Variants in CCDC192 observed in about 807,000 individuals in gnomAD.
The protein encoded by CCDC192 is coiled-coil domain-containing protein 192.
chr5:127,853,228 G>A (rs1401870309), intron 5 of CCDC192, among the ~76,000 whole-genome samples: 3 of 152,112 alleles, frequency 2.0e-5, no homozygotes, highest in Non-Finnish European at 2.9e-5. Context: ...TCATTCCAGG[G>A]ACTATCTATG....
intron 3 of CCDC192, among the ~76,000 whole-genome samples, chr5:127,768,259 A>T (rs1256974552): frequency 6.6e-6 from 1 of 151,886 alleles, no homozygotes; most frequent in Admixed American, 6.6e-5. Context: ...CTCAAAAAAT[A>T]AAAAAGTAAA....
At chr5:127,745,985 T>A (rs988905785) in intron 2 of CCDC192, among the ~76,000 whole-genome samples, 18 of 152,258 alleles carry the variant, frequency 1.2e-4, no homozygotes, top group African/African-American at 4.1e-4. Flanking sequence ...TTTATGTGTT[T>A]ACTTATTTTT....
intron 5 of CCDC192, among the ~76,000 whole-genome samples, chr5:127,861,418 G>A (rs2127105191): frequency 6.6e-6 from 1 of 151,314 alleles, no homozygotes; most frequent in South Asian, 2.1e-4. Context: ...AGTTTTGGAG[G>A]CCGAGGTGGG....
intron 5 of CCDC192, among the ~76,000 whole-genome samples, chr5:127,817,995 T>C (rs904135382): frequency 6.6e-6 from 1 of 152,182 alleles, no homozygotes; most frequent in Non-Finnish European, 1.5e-5. Flanking sequence ...ATGACCTTGC[T>C]TTAGAAAATA....
At chr5:127,801,191 C>T (rs1225140527) in intron 5 of CCDC192, among the ~76,000 whole-genome samples, 1 of 152,134 alleles carries the variant, frequency 6.6e-6, no homozygotes, top group African/African-American at 2.4e-5. Context: ...GAATGGAACA[C>T]TGAAGATGGG....
chr5:127,933,094 A>G (rs2126316018), intron 6 of CCDC192, among the ~76,000 whole-genome samples: 1 of 152,308 alleles, frequency 6.6e-6, no homozygotes, highest in South Asian at 2.1e-4. Flanking sequence ...AACAGCAGTG[A>G]GAATTGTGGA....
At chr5:127,885,530 G>T (rs975236614) in intron 6 of CCDC192, among the ~76,000 whole-genome samples, 3 of 152,186 alleles carry the variant, frequency 2.0e-5, no homozygotes, top group Non-Finnish European at 4.4e-5. Context: ...ATTCTCTCCT[G>T]TAGCTCCCCA....
chr5:127,751,299 G>A (rs1348861973), intron 2 of CCDC192, among the ~76,000 whole-genome samples: 1 of 151,910 alleles, frequency 6.6e-6, no homozygotes, highest in Non-Finnish European at 1.5e-5. Flanking sequence ...AGCTCTTTTA[G>A]GGCAGGCCTG....
At chr5:127,895,152 C>G (rs188863503) in intron 6 of CCDC192, among the ~76,000 whole-genome samples, 2 of 152,304 alleles carry the variant, frequency 1.3e-5, no homozygotes, top group Admixed American at 1.3e-4. Context: ...CTCCCTCCCC[C>G]ACCACCTTCT....
At chr5:127,916,328 C>A (rs1220186156) in intron 6 of CCDC192, among the ~76,000 whole-genome samples, 4 of 152,208 alleles carry the variant, frequency 2.6e-5, no homozygotes, top group African/African-American at 7.2e-5. Flanking sequence ...CCCTCAAAGA[C>A]ATTCATGAGG....
chr5:127,783,933 T>C (rs190044234), intron 3 of CCDC192, among the ~76,000 whole-genome samples: 7 of 152,352 alleles, frequency 4.6e-5, no homozygotes, highest in Admixed American at 4.6e-4. Flanking sequence ...GTTCATTTTG[T>C]CTCATATAAG....
intron 5 of CCDC192, among the ~76,000 whole-genome samples, chr5:127,805,604 T>C (rs1012382413): frequency 2.6e-5 from 4 of 152,226 alleles, no homozygotes; most frequent in African/African-American, 7.2e-5. Flanking sequence ...GGGAAATTCC[T>C]TTCCTGCGGG....
intron 6 of CCDC192, among the ~76,000 whole-genome samples, chr5:127,925,272 C>T (rs1753833334): frequency 7.8e-6 from 1 of 128,004 alleles, no homozygotes. Context: ...ATTTCCTAAA[C>T]TAAAAAATCT....
At chr5:127,927,452 G>T (rs747674434) in intron 6 of CCDC192, among the ~76,000 whole-genome samples, 9 of 152,134 alleles carry the variant, frequency 5.9e-5, no homozygotes, top group Non-Finnish European at 7.3e-5. Flanking sequence ...CCGAGAATGA[G>T]TAGGGACTAC....
intron 3 of CCDC192, among the ~76,000 whole-genome samples, chr5:127,769,304 G>C (rs988477921): frequency 3.9e-5 from 6 of 152,090 alleles, no homozygotes; most frequent in African/African-American, 1.4e-4. Flanking sequence ...AAAGAAGGAA[G>C]TCCGGGGAAG....
At chr5:127,816,841 A>G (rs1312549345) in intron 5 of CCDC192, among the ~76,000 whole-genome samples, 1 of 152,234 alleles carries the variant, frequency 6.6e-6, no homozygotes, top group African/African-American at 2.4e-5. Flanking sequence ...GGCAAAAAGA[A>G]TGCTATAGTT....
chr5:127,776,229 G>A (rs1350300817), intron 3 of CCDC192, among the ~76,000 whole-genome samples: 4 of 152,204 alleles, frequency 2.6e-5, no homozygotes, highest in Non-Finnish European at 5.9e-5. Context: ...AGGCTGAGGT[G>A]GTCTCAGATG....
Position 127,875,563 on chromosome 5 carries a change from A to G in CCDC192, c.437A>G (p.Lys146Arg), listed in dbSNP as rs1752044021. The change falls in exon 6 of 7, where the codon AAA (lysine) becomes AGA (arginine). Residue 146 changes from lysine (K) to arginine (R), a missense_variant. Coordinates refer to ENST00000514853, the MANE Select transcript of CCDC192 (RefSeq NM_001317938.2). The stretch of plus-strand genomic sequence containing the variant: ...AAACTAAAGCATGAAAAGAAAGTGA[A>G]AAAACTACAGACTGATTTGGCAACA... ...AQKLKHEKKV[K>R]KLQTDLATAN... 4 of 398,740 alleles carry G rather than the reference A, an allele frequency of 1.0e-5. No homozygotes were observed. Among genetic ancestry groups the G allele is most frequent in the Non-Finnish European group, 1.8e-5 (4 of 226,004 alleles). The allele number at this position is 398,740 out of a possible 1,614,324, so 24.7% of individuals were successfully genotyped here. A position where few individuals can be genotyped will look rare whatever the true frequency, so the allele number is the denominator to read the frequency against.
intron 6 of CCDC192, among the ~76,000 whole-genome samples, chr5:127,888,110 A>G (rs1339248720): frequency 6.6e-6 from 1 of 151,886 alleles, no homozygotes; most frequent in Non-Finnish European, 1.5e-5. Context: ...TTGTGATCGT[A>G]TTGTTAGATC....
Sources: allele counts gnomAD v4.1 joint callset (sites outside exome capture counted in the v4.1 genomes callset), GRCh38; gene constraint gnomAD v4.1.1; transcripts MANE v1.5; gene names NCBI Gene and HGNC (gene_info 2026-07-23, HGNC 2026-07-21).